Variants in CACNA2D3 observed in about 807,000 individuals in gnomAD.
CACNA2D3 encodes the protein calcium voltage-gated channel auxiliary subunit alpha2delta 3, also known as voltage-dependent calcium channel subunit alpha-2/delta-3.
Under a neutral mutation model 160.6 loss-of-function variants are expected in CACNA2D3, and 60 were observed. The ratio of observed to expected loss-of-function variants is 0.37; its 90% CI spans 0.30 to 0.46. CACNA2D3 has a LOEUF of 0.46. Among genes scored for constraint, CACNA2D3 ranks in the 20% least tolerant of loss-of-function variants. The pLI, the probability that CACNA2D3 is intolerant of heterozygous loss-of-function variation, is 1.00. For synonymous variants in CACNA2D3, 558 were observed against 492.9 expected, an observed-to-expected ratio of 1.13 and a Z score of -1.75; for missense variants, 1,205 against 1,365.0, an observed-to-expected ratio of 0.88 and a Z score of 1.85.
chr3:54,828,786 T>G (rs1294859695), intron 14 of CACNA2D3, among the ~76,000 whole-genome samples: 1 of 152,170 alleles, frequency 6.6e-6, no homozygotes, highest in Non-Finnish European at 1.5e-5. Flanking sequence ...TGCAGTGAAA[T>G]CTCATGGAAG....
chr3:54,658,056 A>C (rs1699905897), intron 11 of CACNA2D3, among the ~76,000 whole-genome samples: 1 of 152,218 alleles, frequency 6.6e-6, no homozygotes. Context: ...GTATGTGTAC[A>C]CTACATTTTC....
At chr3:54,552,180 G>A (rs966503508) in intron 5 of CACNA2D3, among the ~76,000 whole-genome samples, 1 of 152,108 alleles carries the variant, frequency 6.6e-6, no homozygotes, top group Admixed American at 6.5e-5. Flanking sequence ...ACCTGGGCTG[G>A]ATGCATCTAG....
At chr3:54,239,383 G>A (rs947639193) in intron 2 of CACNA2D3, among the ~76,000 whole-genome samples, 2 of 151,998 alleles carry the variant, frequency 1.3e-5, no homozygotes, top group African/African-American at 4.8e-5. Context: ...AACCTTTTTA[G>A]CCTTTAGAGA....
chr3:54,549,201 C>T (rs1313369937), intron 5 of CACNA2D3, among the ~76,000 whole-genome samples: 1 of 152,166 alleles, frequency 6.6e-6, no homozygotes, highest in African/African-American at 2.4e-5. Context: ...AATCCCAGCA[C>T]TTTGGGAGAC....
At chr3:54,529,369 G>A (rs1701772552) in intron 5 of CACNA2D3, among the ~76,000 whole-genome samples, 1 of 152,194 alleles carries the variant, frequency 6.6e-6, no homozygotes, top group Admixed American at 6.5e-5. Context: ...CAGCCTGTAT[G>A]CCTCGGACAA....
At chr3:54,199,427 G>A (rs1701137688) in intron 2 of CACNA2D3, among the ~76,000 whole-genome samples, 1 of 152,070 alleles carries the variant, frequency 6.6e-6, no homozygotes, top group South Asian at 2.1e-4. Flanking sequence ...GCAGTGGTGT[G>A]GTCTTGGATC....
At chr3:54,131,986 G>A (rs1576946926) in intron 2 of CACNA2D3, among the ~76,000 whole-genome samples, 1 of 152,240 alleles carries the variant, frequency 6.6e-6, no homozygotes, top group South Asian at 2.1e-4. Flanking sequence ...ATTGTAAAAA[G>A]AACAATAGAT....
At chr3:54,427,631 A>G (rs1247604392) in intron 4 of CACNA2D3, among the ~76,000 whole-genome samples, 1 of 152,184 alleles carries the variant, frequency 6.6e-6, no homozygotes, top group Non-Finnish European at 1.5e-5. Flanking sequence ...CCTTATTTGT[A>G]GTCATAAACA....
chr3:54,660,449 C>T (rs183743804), intron 11 of CACNA2D3, among the ~76,000 whole-genome samples: 101 of 152,270 alleles, frequency 6.6e-4, no homozygotes, highest in Admixed American at 1.3e-3. Flanking sequence ...CGTGAGCCAC[C>T]GCACCCGGCT....
In CACNA2D3 at chr3:55,074,111, T is replaced by C; in HGVS notation, c.3184-3T>C. The C allele has an allele frequency of 5.6e-6, 9 of 1,612,030 alleles. No homozygotes were observed. Among genetic ancestry groups the C allele is most frequent in the Non-Finnish European group, 7.6e-6 (9 of 1,178,066 alleles). ...TCTAACCAACCCCTGCCTTTCCCCA[T>C]AGGAGAATGCAAGGGAGTGTGGGGG... On this transcript the variant is annotated splice_region_variant and splice_polypyrimidine_tract_variant and intron_variant, in intron 37 of 37. Transcript: ENST00000474759.
chr3:54,706,475 ATAT>A (rs1319580418), intron 11 of CACNA2D3, among the ~76,000 whole-genome samples: 1 of 152,170 alleles, frequency 6.6e-6, no homozygotes, highest in Non-Finnish European at 1.5e-5. Context: ...GATGGCTGAC[ATAT>A]TAGTAGAATG....
chr3:54,857,422 T>C (rs1559606526), intron 17 of CACNA2D3, among the ~76,000 whole-genome samples: 1 of 152,156 alleles, frequency 6.6e-6, no homozygotes, highest in African/African-American at 2.4e-5. Context: ...TTCTCAGGCA[T>C]GCAGCAGACA....
intron 3 of CACNA2D3, among the ~76,000 whole-genome samples, chr3:54,366,487 A>C (rs1698829748): frequency 6.6e-6 from 1 of 152,206 alleles, no homozygotes; most frequent in Non-Finnish European, 1.5e-5. Flanking sequence ...TGTAAAATAC[A>C]TTTTTCCTCT....
At chr3:54,871,068 A>G (rs994272062) in intron 17 of CACNA2D3, among the ~76,000 whole-genome samples, 1 of 85,110 alleles carries the variant, frequency 1.2e-5, no homozygotes, top group Non-Finnish European at 2.8e-5. Flanking sequence ...ACACACACAC[A>G]CACACACACA....
At chr3:54,427,411 C>G (rs1559478517) in intron 4 of CACNA2D3, among the ~76,000 whole-genome samples, 1 of 151,972 alleles carries the variant, frequency 6.6e-6, no homozygotes, top group Non-Finnish European at 1.5e-5. Context: ...GGTGTGCACT[C>G]CCAGTTAGGG....
intron 2 of CACNA2D3, among the ~76,000 whole-genome samples, chr3:54,238,768 AG>A (rs1701927767): frequency 6.6e-6 from 1 of 152,220 alleles, no homozygotes; most frequent in South Asian, 2.1e-4. Context: ...TCTCTAATGC[AG>A]TTTAATCTGC....
intron 4 of CACNA2D3, among the ~76,000 whole-genome samples, chr3:54,440,748 G>C (rs897173276): frequency 6.6e-6 from 1 of 151,944 alleles, no homozygotes; most frequent in Non-Finnish European, 1.5e-5. Context: ...TTGGTTTTTT[G>C]TCCTTGCGAT....
intron 27 of CACNA2D3, among the ~76,000 whole-genome samples, chr3:54,964,433 T>G (rs1160649979): frequency 6.6e-6 from 1 of 152,138 alleles, no homozygotes; most frequent in Non-Finnish European, 1.5e-5. Flanking sequence ...GTAACTCTCC[T>G]TGGGACTTGA....
chr3:54,992,988 A>T (rs1559457467), intron 31 of CACNA2D3, among the ~76,000 whole-genome samples: 1 of 152,046 alleles, frequency 6.6e-6, no homozygotes, highest in Non-Finnish European at 1.5e-5. Flanking sequence ...GATGTGCTAA[A>T]CACCTTAAAA....
Sources: gnomAD v4.1 joint callset for allele counts (sites outside exome capture counted in the v4.1 genomes callset) on GRCh38, gnomAD v4.1.1 for gene constraint, MANE v1.5 for transcripts, NCBI Gene and HGNC (gene_info 2026-07-23, HGNC 2026-07-21) for gene names.